Variants in MTAP observed in about 807,000 individuals in gnomAD.
MTAP encodes methylthioadenosine phosphorylase.
A neutral mutation model predicts 33.6 loss-of-function variants in MTAP; 33 were observed. The observed-to-expected ratio is 0.98, with a 90% CI of 0.74 to 1.31. The LOEUF (loss-of-function observed/expected upper bound fraction) is 1.31, where lower values mean the gene tolerates loss of function less well. Ranked by LOEUF, MTAP falls within the 40% of genes most tolerant of loss-of-function variation. The probability of loss-of-function intolerance (pLI) is 0.00; values close to 1 mark genes in which losing one functional copy is unlikely to be tolerated. For synonymous variants in MTAP, 148 were observed against 125.7 expected, an observed-to-expected ratio of 1.18 and a Z score of -1.19; for missense variants, 367 against 360.0, an observed-to-expected ratio of 1.02 and a Z score of -0.16.
downstream of MTAP, among the ~76,000 whole-genome samples, chr9:21,938,695 C>G (rs1211102618): frequency 6.6e-6 from 1 of 152,062 alleles, no homozygotes; most frequent in Non-Finnish European, 1.5e-5. Context: ...GAACTTTCAT[C>G]AGATCTTTAA....
chr9:21,907,078 T>C (rs931485287), intron 1 of MTAP, among the ~76,000 whole-genome samples: 5 of 152,208 alleles, frequency 3.3e-5, no homozygotes, highest in Non-Finnish European at 7.3e-5. Context: ...GGTATGCTTA[T>C]TGAAGAAATA....
downstream of MTAP, among the ~76,000 whole-genome samples, chr9:21,939,313 G>A (rs544814801): frequency 1.3e-5 from 2 of 152,248 alleles, no homozygotes; most frequent in African/African-American, 4.8e-5. Context: ...AAAATGTATT[G>A]ATAATAATGA....
intron 1 of MTAP, among the ~76,000 whole-genome samples, chr9:21,906,460 G>C (rs1481794589): frequency 6.6e-6 from 1 of 152,020 alleles, no homozygotes; most frequent in Non-Finnish European, 1.5e-5. Flanking sequence ...CGAGAGGAGA[G>C]AGGAGGAGAG....
chr9:21,821,834 A>G (rs544876015), intron 4 of MTAP, among the ~76,000 whole-genome samples: 3 of 152,266 alleles, frequency 2.0e-5, no homozygotes, highest in African/African-American at 7.2e-5. Flanking sequence ...TCAGGGATTC[A>G]ATTTCTTCCT....
chr9:21,855,847 C>T (rs1430326754), intron 6 of MTAP, among the ~76,000 whole-genome samples: 1 of 152,170 alleles, frequency 6.6e-6, no homozygotes, highest in African/African-American at 2.4e-5. Flanking sequence ...CCCCTGCCCT[C>T]ATTGTGAAGT....
chr9:21,839,405 T>G (rs1313539493), intron 5 of MTAP, among the ~76,000 whole-genome samples: 1 of 152,160 alleles, frequency 6.6e-6, no homozygotes, highest in Non-Finnish European at 1.5e-5. Context: ...AGAATATGCA[T>G]GCTCGTATGA....
chr9:21,832,628 T>G (rs1260192423), intron 4 of MTAP, among the ~76,000 whole-genome samples: 1 of 152,218 alleles, frequency 6.6e-6, no homozygotes, highest in African/African-American at 2.4e-5. Flanking sequence ...TAGCTGTCCT[T>G]GAAGTGGTGT....
chr9:21,829,348 A>G (rs1010247210), intron 4 of MTAP, among the ~76,000 whole-genome samples: 2 of 151,266 alleles, frequency 1.3e-5, no homozygotes, highest in African/African-American at 2.4e-5. Flanking sequence ...CACTTTACCC[A>G]CTACACGTTG....
At chr9:21,861,203 T>C (rs1026414749) in intron 7 of MTAP, 9 of 152,222 alleles carry the variant, frequency 5.9e-5, no homozygotes, top group African/African-American at 2.2e-4. Context: ...AAATCAGTGT[T>C]CTCCTTTCCT....
rs3928894 is a variant in MTAP, at chr9:21,818,311, C to T, written c.347+109C>T. Reference sequence around the variant, plus strand: ...AACTGGGAGGGCAGTGCCACAGACTCGCTTGCTTTTTTTTTTTTTTTTTTT... The same window carrying T: ...AACTGGGAGGGCAGTGCCACAGACTTGCTTGCTTTTTTTTTTTTTTTTTTT... On this transcript the variant is annotated intron_variant, in intron 4 of 7. Coordinates refer to ENST00000644715, the MANE Select transcript of MTAP (RefSeq NM_002451.4). 0.6 allele frequency: 269,713 copies of T among 450,182 alleles called. 79,073 individuals are homozygous for T. Among genetic ancestry groups the T allele is most frequent in the African/African-American group, 0.8 (32,609 of 40,622 alleles). The allele number at this position is 450,182 out of a possible 1,614,324, so 27.9% of individuals were successfully genotyped here.
intron 5 of MTAP, among the ~76,000 whole-genome samples, chr9:21,844,332 CTA>C (rs1825323611): frequency 6.6e-6 from 1 of 152,164 alleles, no homozygotes; most frequent in African/African-American, 2.4e-5. Context: ...CTTACTGAAA[CTA>C]TTCCAAAAGA....
intron 1 of MTAP, among the ~76,000 whole-genome samples, chr9:21,807,194 T>C (rs1416737313): frequency 6.6e-6 from 1 of 152,136 alleles, no homozygotes; most frequent in African/African-American, 2.4e-5. Context: ...AACAACTTGT[T>C]AATCATGGTT....
At chr9:21,843,444 G>T (rs1346529786) in intron 5 of MTAP, among the ~76,000 whole-genome samples, 3 of 152,058 alleles carry the variant, frequency 2.0e-5, no homozygotes, top group Non-Finnish European at 4.4e-5. Context: ...AACAACTGCA[G>T]AATATACATT....
intron 1 of MTAP, among the ~76,000 whole-genome samples, chr9:21,919,781 A>T (rs1266840647): frequency 4.6e-5 from 7 of 152,164 alleles, no homozygotes; most frequent in Non-Finnish European, 7.4e-5. Flanking sequence ...CAAGTTAGTC[A>T]GAGAAGCGGG....
chr9:21,824,063 T>C (rs1824720343), intron 4 of MTAP, among the ~76,000 whole-genome samples: 1 of 152,244 alleles, frequency 6.6e-6, no homozygotes, highest in Non-Finnish European at 1.5e-5. Flanking sequence ...TTTCCTTCTT[T>C]AGCTCAGAGA....
chr9:21,815,798 C>T lies in MTAP; in HGVS notation c.120+279C>T, dbSNP rs2282245. Among the ~76,000 whole-genome samples the T allele has an allele frequency of 0.18, 27,039 of 152,026 alleles. 2,981 individuals carry two copies. Among genetic ancestry groups the T allele is most frequent in the African/African-American group, 0.3 (12,392 of 41,420 alleles). Reference sequence around the variant, plus strand: ...GAAATCAGATACTCATTTCAGACCACAGACTCATTTCAGACTGTACTTTTC... The same window carrying T: ...GAAATCAGATACTCATTTCAGACCATAGACTCATTTCAGACTGTACTTTTC... On this transcript the variant is annotated intron_variant, in intron 2 of 7. Transcript: ENST00000644715.
At chr9:21,889,304 T>C (rs1039233829) in intron 1 of MTAP, among the ~76,000 whole-genome samples, 2 of 152,160 alleles carry the variant, frequency 1.3e-5, no homozygotes, top group African/African-American at 2.4e-5. Flanking sequence ...TTTTATTCTT[T>C]TAACTTCTTT....
intron 4 of MTAP, among the ~76,000 whole-genome samples, chr9:21,821,502 T>A (rs1393962132): frequency 1.3e-5 from 2 of 152,246 alleles, no homozygotes; most frequent in Non-Finnish European, 2.9e-5. Context: ...ATAAGCTTTT[T>A]GATGTGCTGC....
chr9:21,886,895 C>T lies in MTAP; in HGVS notation c.147+32025C>T, dbSNP rs80329145. Among the ~76,000 whole-genome samples, 867 of 152,082 alleles carry T rather than the reference C, an allele frequency of 5.7e-3. 18 individuals are homozygous for T. The highest frequency in any genetic ancestry group is 0.056 in the East Asian group (288 of 5,170). On this transcript the variant is annotated intron_variant, in intron 1 of 1. Coordinates refer to the MTAP transcript ENST00000577563. ...ATGATACCTTCAGATTTGTTCTTTT[C>T]GCTTAGTCTTGCTTTGGCTATGTGG...
Sources: allele counts gnomAD v4.1 joint callset (sites outside exome capture counted in the v4.1 genomes callset), GRCh38; gene constraint gnomAD v4.1.1; transcripts MANE v1.5; gene names NCBI Gene and HGNC (gene_info 2026-07-23, HGNC 2026-07-21).